SLC35D4: variants seen among roughly 807,000 people sequenced by gnomAD.
The protein encoded by SLC35D4 is UDP-N-acetylglucosamine transporter SLC35D4.
the SLC35D4 span, among the ~76,000 whole-genome samples, chr18:23,416,796 C>T: frequency 1.3e-5 from 2 of 152,212 alleles, no homozygotes; most frequent in South Asian, 2.1e-4. Flanking sequence ...ACAGATATTC[C>T]GAGATACGTA....
At chr18:23,359,383 CAAAAA>C in the SLC35D4 span, among the ~76,000 whole-genome samples, 1 of 92,788 alleles carries the variant, frequency 1.1e-5, no homozygotes. Context: ...GACTCCATCT[CAAAAA>C]AAAAAAAAAA....
At chr18:23,380,998 G>T in the SLC35D4 span, among the ~76,000 whole-genome samples, 1 of 152,212 alleles carries the variant, frequency 6.6e-6, no homozygotes, top group African/African-American at 2.4e-5. Flanking sequence ...ACATTTAACA[G>T]TCTGTGAGGT....
chr18:23,297,777 A>G, the SLC35D4 span: 2 of 508,408 alleles, frequency 3.9e-6, no homozygotes, highest in East Asian at 3.6e-5. Context: ...CTCTGCAGTG[A>G]CCTGCAGACC....
the SLC35D4 span, chr18:23,430,647 G>C: frequency 6.2e-7 from 1 of 1,612,032 alleles, no homozygotes; most frequent in Non-Finnish European, 8.5e-7. Context: ...AATAATGTAG[G>C]GTAGGTAAAT....
chr18:23,273,973 C>A, the SLC35D4 span, among the ~76,000 whole-genome samples: 2,407 of 152,140 alleles, frequency 0.016, 75 homozygotes, highest in African/African-American at 0.055. Context: ...CACTCTGTTA[C>A]CCAGGCCAGA....
chr18:23,314,502 T>C, the SLC35D4 span, among the ~76,000 whole-genome samples: 1 of 152,202 alleles, frequency 6.6e-6, no homozygotes, highest in East Asian at 1.9e-4. Context: ...TTCAATGAGA[T>C]AATATTCACC....
chr18:23,302,285 A>C, the SLC35D4 span, among the ~76,000 whole-genome samples: 2 of 152,318 alleles, frequency 1.3e-5, no homozygotes, highest in South Asian at 2.1e-4. Context: ...CAAGTTCCTT[A>C]AGATCTTGCT....
chr18:23,356,704 C>T, the SLC35D4 span: 34 of 1,594,612 alleles, frequency 2.1e-5, no homozygotes, highest in Non-Finnish European at 2.9e-5. The surrounding 1 kb of genome is among the most constrained non-coding windows in gnomAD (Gnocchi z 4.1). Flanking sequence ...CCCATGAGGC[C>T]TCACATGACC....
the SLC35D4 span, among the ~76,000 whole-genome samples, chr18:23,271,465 C>T: frequency 1.3e-5 from 2 of 152,172 alleles, no homozygotes; most frequent in Non-Finnish European, 2.9e-5. Flanking sequence ...GAGGGATCCT[C>T]GTCTGGGTCT....
chr18:23,367,145 T>C, the SLC35D4 span, among the ~76,000 whole-genome samples: 3 of 152,130 alleles, frequency 2.0e-5, no homozygotes, highest in Non-Finnish European at 2.9e-5. Context: ...CCAAATCCCA[T>C]CATCAGAATC....
chr18:23,280,026 C>G, the SLC35D4 span, among the ~76,000 whole-genome samples: 5 of 152,118 alleles, frequency 3.3e-5, no homozygotes, highest in Admixed American at 2.0e-4. Flanking sequence ...TTGAAGCTAC[C>G]AAGTTTATAG....
the SLC35D4 span, chr18:23,297,179 T>C: frequency 1.3e-5 from 2 of 152,194 alleles, no homozygotes; most frequent in Non-Finnish European, 2.9e-5. Flanking sequence ...CCCAAAGCAT[T>C]GTGTTGTGCG....
the SLC35D4 span, among the ~76,000 whole-genome samples, chr18:23,379,219 GT>G: frequency 6.6e-6 from 1 of 151,916 alleles, no homozygotes; most frequent in Non-Finnish European, 1.5e-5. Flanking sequence ...TGCCTCCTGG[GT>G]TCAAGCGATT....
At chr18:23,393,487 T>C in the SLC35D4 span, among the ~76,000 whole-genome samples, 1 of 152,354 alleles carries the variant, frequency 6.6e-6, no homozygotes, top group South Asian at 2.1e-4. Flanking sequence ...AAGTACCAGA[T>C]ATAAGTGGAG....
the SLC35D4 span, among the ~76,000 whole-genome samples, chr18:23,351,900 C>T: frequency 6.6e-6 from 1 of 152,212 alleles, no homozygotes; most frequent in Non-Finnish European, 1.5e-5. Flanking sequence ...CACCTTGGAT[C>T]GACTGAGTCC....
the SLC35D4 span, among the ~76,000 whole-genome samples, chr18:23,351,297 C>A: frequency 6.6e-6 from 1 of 152,010 alleles, no homozygotes; most frequent in Admixed American, 6.6e-5. Context: ...ATCCCAGCTA[C>A]TTGGGAGGCT....
the SLC35D4 span, among the ~76,000 whole-genome samples, chr18:23,356,221 G>T: frequency 6.6e-6 from 1 of 152,162 alleles, no homozygotes; most frequent in Non-Finnish European, 1.5e-5. This position sits in a 1 kb window ranked among gnomAD's most constrained non-coding sequence, Gnocchi z 4.1. Context: ...TGAGCGGGTG[G>T]GATTCTGAAC....
chr18:23,381,844 G>A, the SLC35D4 span, among the ~76,000 whole-genome samples: 4 of 152,188 alleles, frequency 2.6e-5, no homozygotes, highest in African/African-American at 9.7e-5. Context: ...GCTCTGGCCT[G>A]CTCATCAGGA....
the SLC35D4 span, among the ~76,000 whole-genome samples, chr18:23,332,753 T>TA: frequency 0.018 from 2,534 of 144,298 alleles, 66 homozygotes; most frequent in African/African-American, 0.059. Flanking sequence ...AAAAATTGAT[T>TA]AAAAAAAAAA....
Sources: allele counts gnomAD v4.1 joint callset (sites outside exome capture counted in the v4.1 genomes callset), GRCh38; gene constraint gnomAD v4.1.1; non-coding constraint Gnocchi (gnomAD v3.1); transcripts MANE v1.5; gene names NCBI Gene and HGNC (gene_info 2026-07-23, HGNC 2026-07-21).